Variants in PPP2R3C observed in about 807,000 individuals in gnomAD.
PPP2R3C encodes the protein serine/threonine-protein phosphatase 2A regulatory subunit B'' subunit gamma.
PPP2R3C carries 47 observed loss-of-function variants against 63.7 expected under a neutral mutation model. The observed-to-expected ratio is 0.74, with a 90% confidence interval of 0.58 to 0.94. The LOEUF (loss-of-function observed/expected upper bound fraction) is 0.94, where lower values mean the gene tolerates loss of function less well. Ranked by LOEUF, PPP2R3C falls within the 40% of genes least tolerant of loss-of-function variation. The pLI is 0.00. For synonymous variants in PPP2R3C, 180 were observed against 177.4 expected, an observed-to-expected ratio of 1.01 and a Z score of -0.12; for missense variants, 421 against 518.4, an observed-to-expected ratio of 0.81 and a Z score of 1.82.
intron 9 of PPP2R3C, 134 bp downstream of exon 9, chr14:35,096,424 G>A (rs569064919): frequency 5.8e-6 from 5 of 860,850 alleles, no homozygotes; most frequent in Non-Finnish European, 9.1e-6. Context: ...TTTTGGTAAT[G>A]TAGAATACTA....
At chr14:35,115,295 G>A (rs948732646) in intron 2 of PPP2R3C, among the ~76,000 whole-genome samples, 5 of 149,248 alleles carry the variant, frequency 3.4e-5, no homozygotes, top group African/African-American at 7.4e-5. Context: ...CCTGAGTAGC[G>A]GGGACTACAG....
At chr14:35,086,842 G>C (rs1334406624) in intron 12 of PPP2R3C, 1 of 152,280 alleles carries the variant, frequency 6.6e-6, no homozygotes, top group Non-Finnish European at 1.5e-5. Context: ...CTCTGTCCCA[G>C]GCTGGAGTGC....
At chr14:35,097,711 T>G (rs781152965) in intron 7 of PPP2R3C, among the ~76,000 whole-genome samples, 21 of 152,166 alleles carry the variant, frequency 1.4e-4, no homozygotes, top group Admixed American at 3.9e-4. Context: ...CTTGAACACC[T>G]GACCTCAGAT....
chr14:35,116,827 T>C, intron 1 of PPP2R3C, 90 bp from the exon 2 acceptor site: 1 of 1,096,098 alleles, frequency 9.1e-7, no homozygotes, highest in Non-Finnish European at 1.2e-6. Flanking sequence ...ATAGTTTAAT[T>C]AAAATAGTTG....
chr14:35,085,480 C>T lies in PPP2R3C; in HGVS notation c.*110G>A. The T allele has an allele frequency of 1.0e-5, 10 of 986,268 alleles. No individual in the cohort carries two copies. The highest frequency in any genetic ancestry group is 1.4e-5 in the Non-Finnish European group (10 of 703,168). 61.1% of individuals were successfully genotyped at this position (986,268 alleles called of 1,614,324 possible). On this transcript the variant is annotated 3_prime_UTR_variant, in exon 13 of 13. Transcript: ENST00000261475. ...GTAACCAAAACATTTGCTGTGTTCTCTAGGCATATCAAGTGTTTTATTTAG... is the reference window on the plus strand; with the variant it reads ...GTAACCAAAACATTTGCTGTGTTCTTTAGGCATATCAAGTGTTTTATTTAG...
At chr14:35,094,898 G>A in intron 10 of PPP2R3C, 150 bp downstream of exon 10, 3 of 757,352 alleles carry the variant, frequency 4.0e-6, no homozygotes, top group Admixed American at 3.0e-5. Flanking sequence ...AGGTTGCATT[G>A]AGCGGAGATC....
intron 2 of PPP2R3C, among the ~76,000 whole-genome samples, chr14:35,115,845 C>G (rs1043523172): frequency 3.9e-5 from 6 of 152,152 alleles, no homozygotes; most frequent in African/African-American, 1.4e-4. Flanking sequence ...TGGTCTCGAA[C>G]TCCTGACCTC....
At chr14:35,086,250 TGCA>T (rs1271855840) in intron 12 of PPP2R3C, 1 of 154,092 alleles carries the variant, frequency 6.5e-6, no homozygotes, top group African/African-American at 2.4e-5. Context: ...CAGGCTGGAG[TGCA>T]GTAGTGCGAT....
chr14:35,104,348 C>G (rs1169647299), intron 6 of PPP2R3C, among the ~76,000 whole-genome samples: 1 of 152,166 alleles, frequency 6.6e-6, no homozygotes, highest in Non-Finnish European at 1.5e-5. Flanking sequence ...CTACAGAAAT[C>G]TAGACAAAAC....
intron 1 of PPP2R3C, among the ~76,000 whole-genome samples, chr14:35,121,583 G>A (rs1595141139): frequency 1.3e-5 from 2 of 152,166 alleles, no homozygotes; most frequent in South Asian, 4.1e-4. Flanking sequence ...CAGTAAAAAG[G>A]CAGGAGGACA....
intron 9 of PPP2R3C, among the ~76,000 whole-genome samples, chr14:35,095,845 T>C (rs1263338389): frequency 9.6e-6 from 1 of 103,862 alleles, no homozygotes; most frequent in Admixed American, 1.2e-4. Context: ...TGCAAGACTC[T>C]ATCTCCAAAA....
chr14:35,104,021 T>G (rs1448108629), intron 6 of PPP2R3C, among the ~76,000 whole-genome samples: 1 of 152,236 alleles, frequency 6.6e-6, no homozygotes, highest in African/African-American at 2.4e-5. Flanking sequence ...CTCTCCCTTT[T>G]GCTCATCTCT....
Position 35,099,254 on chromosome 14 carries a change from G to C in PPP2R3C, c.704C>G (p.Thr235Arg). ...AGTTAGATAAGATTTTCTTTTACCT[G>C]TTCTTAAAGGATCTAAAAAGAAGAA... ...KFFFFLDPLRTGKIKIQDILA... is the reference protein window; with the variant it reads ...KFFFFLDPLRRGKIKIQDILA... The change falls in exon 7 of 13, where the codon ACA (threonine) becomes AGA (arginine). Residue 235 changes from threonine to arginine, a missense_variant and splice_region_variant. By Grantham distance (71) the Thr-to-Arg change is moderately conservative (BLOSUM62 -1). This residue lies in a region of PPP2R3C where 231 missense variants were observed against 264.8 expected (regional missense o/e 0.87). Transcript: ENST00000261475. 2 of 1,576,056 alleles carry C rather than the reference G, an allele frequency of 1.3e-6. No individual in the cohort carries two copies. Among genetic ancestry groups the C allele is most frequent in the Non-Finnish European group, 1.7e-6 (2 of 1,167,966 alleles).
chr14:35,110,629 G>A lies in PPP2R3C; in HGVS notation c.187C>T (p.Leu63=), dbSNP rs1189476797. ...YKTIPRFYYR[L]PAEDEVLLQK... is the part of the protein sequence containing the mutation. ...AGTAAGACTTCATCTTCAGCAGGCA[G>A]CTGAAAATACAAGGTAAATTTCTAC... The change falls in exon 3 of 13, where the codon CTG becomes TTG. Residue 63 remains leucine, a splice_region_variant and synonymous_variant. Coordinates refer to ENST00000261475, the MANE Select transcript of PPP2R3C (RefSeq NM_017917.4). 1 of 1,599,572 alleles carries A rather than the reference G, an allele frequency of 6.3e-7. No individual in the cohort carries two copies. Among genetic ancestry groups the A allele is most frequent in the East Asian group, 2.2e-5 (1 of 44,768 alleles).
At chr14:35,093,121 G>C (rs553610352) in intron 10 of PPP2R3C, among the ~76,000 whole-genome samples, 1 of 152,156 alleles carries the variant, frequency 6.6e-6, no homozygotes, top group South Asian at 2.1e-4. Flanking sequence ...GCTGAGGCAG[G>C]AGAATGGCGT....
intron 10 of PPP2R3C, among the ~76,000 whole-genome samples, chr14:35,092,371 C>A (rs2045849010): frequency 6.6e-6 from 1 of 152,210 alleles, no homozygotes. Context: ...CATCCTGCTT[C>A]AAACTTTTGA....
intron 6 of PPP2R3C, among the ~76,000 whole-genome samples, chr14:35,105,840 C>T (rs2046335444): frequency 6.6e-6 from 1 of 151,926 alleles, no homozygotes. Context: ...ATCTCCTTGT[C>T]TACTGTGTCT....
chr14:35,119,866 T>TA (rs2046813681), intron 1 of PPP2R3C, among the ~76,000 whole-genome samples: 1 of 149,812 alleles, frequency 6.7e-6, no homozygotes, highest in Non-Finnish European at 1.5e-5. Context: ...TTTTTTTTTT[T>TA]TTGAGACGGA....
Position 35,091,785 on chromosome 14 carries a change from A to G in PPP2R3C, c.976-578T>C, listed in dbSNP as rs533871090. On this transcript the variant is annotated intron_variant, in intron 10 of 12. Coordinates refer to ENST00000261475, the MANE Select transcript of PPP2R3C (RefSeq NM_017917.4). ...GCCCAGGCTGGAGTGCAGTGGTGCAATCTCAGCTCACTGAAACCTCTGCCT... is the reference window on the plus strand; with the variant it reads ...GCCCAGGCTGGAGTGCAGTGGTGCAGTCTCAGCTCACTGAAACCTCTGCCT... Among the ~76,000 whole-genome samples, 7 of 152,038 alleles carry G rather than the reference A, an allele frequency of 4.6e-5. No individual in the cohort carries two copies. The East Asian group carries it at 7.7e-4, about 17-fold the overall frequency.
Sources: allele counts gnomAD v4.1 joint callset (sites outside exome capture counted in the v4.1 genomes callset), GRCh38; gene constraint gnomAD v4.1.1; regional missense constraint gnomAD v4.1.1; transcripts MANE v1.5; gene names NCBI Gene and HGNC (gene_info 2026-07-23, HGNC 2026-07-21).